The following ESF1 variants were observed in gnomAD, a reference collection of about 807,000 sequenced individuals.
ESF1 encodes the protein ESF1 homolog.
In ESF1, 58 loss-of-function variants were observed where a neutral mutation model predicts 92.0. The ratio of observed to expected loss-of-function variants is 0.63; its 90% CI spans 0.51 to 0.78. The LOEUF (loss-of-function observed/expected upper bound fraction) is 0.78, where lower values mean the gene tolerates loss of function less well. Among genes scored for constraint, ESF1 ranks in the 30% least tolerant of loss-of-function variants. ESF1 has a pLI of 0.00. For missense variants in ESF1, 922 were observed against 989.1 expected, an observed-to-expected ratio of 0.93 and a Z score of 0.91; for synonymous variants, 321 against 313.7, an observed-to-expected ratio of 1.02 and a Z score of -0.24.
At chr20:13,750,492 G>A (rs4814254) in intron 9 of ESF1, among the ~76,000 whole-genome samples, 137,564 of 152,248 alleles carry the variant, frequency 0.9, 62,238 homozygotes, top group East Asian at 1. Flanking sequence ...GCGAAAGAGC[G>A]AGACTCCCTC....
chr20:13,739,750 G>A (rs781690029), intron 9 of ESF1, among the ~76,000 whole-genome samples: 21 of 151,178 alleles, frequency 1.4e-4, no homozygotes, highest in Admixed American at 1.2e-3. Context: ...AAGCTCAAAC[G>A]GAAATATCAA....
rs772282241 is a variant in ESF1, at chr20:13,782,924, C to G, written c.217G>C (p.Asp73His). ...STTEDLKRFY[D>H]LSDSDSNLSG... ...AGATTGGAATCAGAATCTGAAAGGT[C>G]GTAAAAACGCTTCAAATCCTCTGTA... Residue 73 changes from aspartate to histidine, a missense_variant, in exon 2 of 14, where the codon GAC (aspartate) becomes CAC (histidine). Asp to His is a moderately conservative substitution (Grantham distance 81). Transcript: ENST00000617257. 13 of 1,613,854 alleles carry G rather than the reference C, an allele frequency of 8.1e-6. No individual in the cohort carries two copies. Among genetic ancestry groups the G allele is most frequent in the Non-Finnish European group, 1.1e-5 (13 of 1,180,000 alleles).
intron 9 of ESF1, among the ~76,000 whole-genome samples, chr20:13,752,148 G>A (rs770838917): frequency 5.9e-5 from 9 of 152,120 alleles, no homozygotes; most frequent in Non-Finnish European, 8.8e-5. Context: ...ACTCTTAAGT[G>A]CTTCTCATTT....
chr20:13,747,868 T>C (rs1477073310), intron 9 of ESF1, among the ~76,000 whole-genome samples: 1 of 152,238 alleles, frequency 6.6e-6, no homozygotes, highest in Admixed American at 6.5e-5. Context: ...CTAGATGTTA[T>C]AGCTTATTAC....
In ESF1 at chr20:13,734,232, A is replaced by G. The variant is rs570428161; in HGVS notation, c.1829-390T>C. On this transcript the variant is annotated intron_variant, in intron 9 of 13. Coordinates refer to ENST00000617257, the MANE Select transcript of ESF1 (RefSeq NM_001276380.2). ...TCTCAGGATACTAATTAATTTTTGT[A>G]GCAAAAGACAAGTGGCTTTTCTTGT... is the stretch of plus-strand genomic sequence containing the variant. Among the ~76,000 whole-genome samples the G allele has an allele frequency of 9.8e-5, 15 of 152,350 alleles. No homozygotes were observed. The East Asian group carries it at 2.3e-3, about 23-fold the overall frequency.
intron 9 of ESF1, among the ~76,000 whole-genome samples, chr20:13,748,590 ATATTT>A (rs1210972012): frequency 0.36 from 32,270 of 89,854 alleles, 4,313 homozygotes; most frequent in African/African-American, 0.44. Flanking sequence ...ATATATATAT[ATATTT>A]TTTTTTTTTT....
intron 2 of ESF1, among the ~76,000 whole-genome samples, chr20:13,777,923 G>C (rs568227667): frequency 6.6e-6 from 1 of 152,262 alleles, no homozygotes; most frequent in South Asian, 2.1e-4. Flanking sequence ...GTTATTCACT[G>C]ACCAAATATT....
chr20:13,768,579 C>T (rs1979533369), intron 7 of ESF1, among the ~76,000 whole-genome samples: 1 of 145,714 alleles, frequency 6.9e-6, no homozygotes, highest in Admixed American at 6.9e-5. Flanking sequence ...GAGACTCAGT[C>T]TCCAAAAAAA....
chr20:13,752,037 A>G (rs1024314056), intron 9 of ESF1, among the ~76,000 whole-genome samples: 5 of 152,104 alleles, frequency 3.3e-5, no homozygotes, highest in African/African-American at 1.2e-4. Context: ...CAATAAATCA[A>G]TATTATTAAG....
In ESF1 at chr20:13,728,505, C is replaced by G. The variant is rs989345437; in HGVS notation, c.1951-40G>C. 2.2e-6 allele frequency: 3 copies of G among 1,374,316 alleles called. No individual in the cohort carries two copies. In the African/African-American group the frequency reaches 4.4e-5, roughly 20 times the overall value. 85.1% of individuals were successfully genotyped at this position (1,374,316 alleles called of 1,614,324 possible). ...ATAAAAATACAAAATTTCATTATTACAAGAATTATAATAAATGTATACCAA... is the reference window on the plus strand; with the variant it reads ...ATAAAAATACAAAATTTCATTATTAGAAGAATTATAATAAATGTATACCAA... On this transcript the variant is annotated intron_variant, in intron 10 of 13. Coordinates refer to ENST00000617257, the MANE Select transcript of ESF1 (RefSeq NM_001276380.2).
In ESF1 at chr20:13,759,852, A is replaced by T. The variant is rs1349791731; in HGVS notation, c.1668T>A (p.Gly556=). Residue 556 remains glycine, a splice_region_variant and synonymous_variant, in exon 9 of 14, where the codon GGT becomes GGA. Coordinates refer to ENST00000617257, the MANE Select transcript of ESF1 (RefSeq NM_001276380.2). ...CTTCTTCTACATTGACTCCATCATC[A>T]CCTAATGAAAAAAAAATTCACTTAA... The part of the protein sequence containing the change: ...DEEEIEEELQ[G]DDGVNVEEDG... 1 of 1,583,566 alleles carries T rather than the reference A, an allele frequency of 6.3e-7. No individual in the cohort carries two copies. Among genetic ancestry groups the T allele is most frequent in the Non-Finnish European group, 8.5e-7 (1 of 1,171,554 alleles).
At chr20:13,784,180 A>G (rs1157043688) in intron 1 of ESF1, among the ~76,000 whole-genome samples, 1 of 151,964 alleles carries the variant, frequency 6.6e-6, no homozygotes, top group African/African-American at 2.4e-5. Context: ...ACATATACAT[A>G]TGTGTGTATA....
chr20:13,772,115 ATTCT>A (rs1979715289), intron 5 of ESF1, among the ~76,000 whole-genome samples: 2 of 151,734 alleles, frequency 1.3e-5, no homozygotes, highest in South Asian at 4.1e-4. Context: ...AAGTTTTATC[ATTCT>A]TTCACTTTTC....
chr20:13,718,023 T>C (rs993039116), intron 12 of ESF1, among the ~76,000 whole-genome samples: 5 of 152,060 alleles, frequency 3.3e-5, no homozygotes, highest in African/African-American at 1.2e-4. Flanking sequence ...CCTTAGGATC[T>C]GCTTCTGAAA....
intron 4 of ESF1, among the ~76,000 whole-genome samples, chr20:13,773,821 C>T (rs113922809): frequency 0.053 from 7,989 of 152,138 alleles, 399 homozygotes; most frequent in African/African-American, 0.12. Flanking sequence ...CTAGGCCAGG[C>T]GCGGTGGCTC....
intron 10 of ESF1, among the ~76,000 whole-genome samples, chr20:13,732,127 G>C (rs1014169747): frequency 1.3e-5 from 2 of 152,200 alleles, no homozygotes; most frequent in African/African-American, 2.4e-5. Flanking sequence ...TGGATGTCCA[G>C]ACTTCAGACT....
At chr20:13,730,344 G>A (rs2049932895) in intron 10 of ESF1, among the ~76,000 whole-genome samples, 1 of 150,920 alleles carries the variant, frequency 6.6e-6, no homozygotes. Flanking sequence ...AAAGTGCTGG[G>A]ATTACAGGCG....
At chr20:13,767,760 T>C (rs186723204) in intron 7 of ESF1, among the ~76,000 whole-genome samples, 110 of 152,316 alleles carry the variant, frequency 7.2e-4, no homozygotes, top group Non-Finnish European at 4.3e-4. Context: ...ACATGACTGA[T>C]GTGGTGATGA....
chr20:13,717,596 C>A, intron 12 of ESF1, 82 bp from the exon 13 acceptor site: 1 of 1,479,088 alleles, frequency 6.8e-7, no homozygotes, highest in Non-Finnish European at 9.2e-7. Flanking sequence ...CAGAAGATAT[C>A]TCTTCTAGAA....
Sources: allele counts gnomAD v4.1 joint callset (sites outside exome capture counted in the v4.1 genomes callset), GRCh38; gene constraint gnomAD v4.1.1; transcripts MANE v1.5; gene names NCBI Gene and HGNC (gene_info 2026-07-23, HGNC 2026-07-21).